DST: variants seen among roughly 807,000 people sequenced by gnomAD.
DST encodes the protein dystonin, also known as bullous pemphigoid antigen.
In DST, 253 loss-of-function variants were observed where a neutral mutation model predicts 875.2. The ratio of observed to expected loss-of-function variants is 0.29; its 90% CI spans 0.26 to 0.32. The LOEUF is 0.32. Ranked by LOEUF, DST falls within the 10% of genes least tolerant of loss-of-function variation. The pLI, the probability that DST is intolerant of heterozygous loss-of-function variation, is 1.00. For missense variants in DST, 8,287 were observed against 9,111.6 expected (o/e 0.91, Z 3.68); for synonymous variants, 3,124 against 3,197.1 (o/e 0.98, Z 0.77).
At chr6:56,468,889 G>T (rs2094727165) in intron 98 of DST, 93 bp downstream of exon 98, 2 of 1,011,652 alleles carry the variant, frequency 2.0e-6, no homozygotes, top group Non-Finnish European at 2.9e-6. Context: ...GAGACAGCAT[G>T]GGAAAGATTG....
At chr6:56,926,459 G>A (rs1165301276) in intron 2 of DST, among the ~76,000 whole-genome samples, 2 of 152,180 alleles carry the variant, frequency 1.3e-5, no homozygotes, top group Non-Finnish European at 2.9e-5. Context: ...GGAAATTGAG[G>A]AGGGGGTCAG....
intron 3 of DST, among the ~76,000 whole-genome samples, chr6:56,888,841 C>T (rs940229516): frequency 6.6e-6 from 1 of 152,116 alleles, no homozygotes; most frequent in Non-Finnish European, 1.5e-5. Flanking sequence ...CAGAAACCCA[C>T]AACAGAAGGA....
rs138995714 is a variant in DST at position 56,618,770 on chromosome 6, C to T, written c.4930-4286G>A. On this transcript the variant is annotated intron_variant, in intron 36 of 103. Coordinates refer to ENST00000680361, the MANE Select transcript of DST (RefSeq NM_001374736.1). ...CTCCATTAATTTTTCCATCTTCTTC[C>T]GAAACTCCTCTGCTGATTGTTTGAA... The T allele has an allele frequency of 2.1e-5, 34 of 1,614,100 alleles. No individual in the cohort carries two copies. In the East Asian group the frequency reaches 2.9e-4, roughly 14 times the overall value.
intron 49 of DST, among the ~76,000 whole-genome samples, chr6:56,583,892 C>T (rs529023099): frequency 2.6e-5 from 4 of 152,260 alleles, no homozygotes; most frequent in South Asian, 2.1e-4. Flanking sequence ...TATCAAAGAT[C>T]GGATAGTTGT....
At chr6:56,717,233 C>T (rs1199573227) in intron 5 of DST, among the ~76,000 whole-genome samples, 1 of 144,692 alleles carries the variant, frequency 6.9e-6, no homozygotes, top group Non-Finnish European at 1.6e-5. Flanking sequence ...AAGCATGCAA[C>T]CTACATCCCT....
chr6:56,846,887 C>T (rs947347394), intron 4 of DST, among the ~76,000 whole-genome samples: 1 of 151,250 alleles, frequency 6.6e-6, no homozygotes, highest in Non-Finnish European at 1.5e-5. Context: ...CCTTTAGTCC[C>T]AGCTACCTGG....
intron 3 of DST, among the ~76,000 whole-genome samples, chr6:56,890,694 T>C (rs1018939992): frequency 3.3e-5 from 5 of 152,242 alleles, no homozygotes; most frequent in Non-Finnish European, 7.3e-5. Flanking sequence ...CAGCTAAGGA[T>C]GCTAAAGTAT....
At chr6:56,628,276 G>A (rs1587092564) in intron 32 of DST, 115 bp from the exon 33 acceptor site, 7 of 905,720 alleles carry the variant, frequency 7.7e-6, no homozygotes, top group African/African-American at 3.3e-5. Flanking sequence ...AGCACAAGAC[G>A]GGTATGTATA....
In DST at chr6:56,492,918, T is replaced by C; in HGVS notation, c.20550+16A>G. 6.5e-7 allele frequency: 1 copy of C among 1,542,014 alleles called. No individual in the cohort carries two copies. Among genetic ancestry groups the C allele is most frequent in the Non-Finnish European group, 8.7e-7 (1 of 1,148,530 alleles). On this transcript the variant is annotated intron_variant, in intron 84 of 103. Transcript: ENST00000680361. ...TGTCTGAAAAGAGAATCCTATCTAT[T>C]TGACTCACTACATACCTTGTGTTCG... is the stretch of plus-strand genomic sequence containing the variant.
chr6:56,777,313 C>A (rs566220263), intron 4 of DST, among the ~76,000 whole-genome samples: 1 of 152,114 alleles, frequency 6.6e-6, no homozygotes, highest in Admixed American at 6.5e-5. Context: ...AAGAGAAATA[C>A]GAAGGCAAAA....
Position 56,552,179 on chromosome 6 carries a change from C to T in DST, c.16608+5G>A. The T allele has an allele frequency of 6.3e-7, 1 of 1,589,822 alleles. No individual in the cohort carries two copies. Among genetic ancestry groups the T allele is most frequent in the Non-Finnish European group, 8.6e-7 (1 of 1,169,190 alleles). ...AACACTGGGTAAAAATGAAGAGTTC[C>T]CTACCTTGAACATGTTAAGCTGCTG... On this transcript the variant is annotated splice_donor_5th_base_variant and intron_variant, in intron 61 of 103. Transcript: ENST00000680361.
At chr6:56,941,929 C>G (rs34812189) in intron 2 of DST, among the ~76,000 whole-genome samples, 20,403 of 152,210 alleles carry the variant, frequency 0.13, 1,785 homozygotes, top group Middle Eastern at 0.22. Context: ...TGATCACCAA[C>G]TATGATTACA....
chr6:56,609,434 A>T, intron 39 of DST, 90 bp from the exon 40 acceptor site: 2 of 901,512 alleles, frequency 2.2e-6, no homozygotes, highest in Non-Finnish European at 3.4e-6. Context: ...AAAATAAATA[A>T]TACATTTCAA....
intron 5 of DST, among the ~76,000 whole-genome samples, chr6:56,733,361 A>C (rs984143070): frequency 6.6e-6 from 1 of 152,222 alleles, no homozygotes; most frequent in Non-Finnish European, 1.5e-5. Context: ...AGATAAGGGA[A>C]GCAGATGGGC....
chr6:56,562,730 AC>A (rs1047757298), intron 55 of DST, among the ~76,000 whole-genome samples: 1 of 150,778 alleles, frequency 6.6e-6, no homozygotes, highest in Admixed American at 6.6e-5. Flanking sequence ...AATGCTATCC[AC>A]CCCCCAGGCC....
intron 50 of DST, among the ~76,000 whole-genome samples, chr6:56,574,150 T>C (rs2097826058): frequency 7.2e-6 from 1 of 138,482 alleles, no homozygotes; most frequent in South Asian, 2.3e-4. Context: ...AGAGATTTTT[T>C]TGGATGCATA....
At chr6:56,866,930 G>C (rs1346494061) in intron 3 of DST, among the ~76,000 whole-genome samples, 1 of 152,128 alleles carries the variant, frequency 6.6e-6, no homozygotes, top group Non-Finnish European at 1.5e-5. Flanking sequence ...ATAAATATTA[G>C]TTTTTTCTTA....
At chr6:56,949,945 A>G (rs1201000897) in intron 2 of DST, among the ~76,000 whole-genome samples, 1 of 152,220 alleles carries the variant, frequency 6.6e-6, no homozygotes, top group Non-Finnish European at 1.5e-5. Context: ...TAGGTGGACC[A>G]TTGTTTCATT....
In DST at chr6:56,658,938, G is replaced by A. The variant is rs148834745; in HGVS notation, c.1215-7694C>T. ...GCATGAGTGGGGAGCCAGCAGCCAGGGGAACATGGTAAGACATGGCTCTGG... is the reference window on the plus strand; with the variant it reads ...GCATGAGTGGGGAGCCAGCAGCCAGAGGAACATGGTAAGACATGGCTCTGG... On this transcript the variant is annotated intron_variant, in intron 10 of 103. Transcript: ENST00000680361. Among the ~76,000 whole-genome samples, 1,194 of 152,280 alleles carry A rather than the reference G, an allele frequency of 7.8e-3. 13 individuals are homozygous for A. The highest frequency in any genetic ancestry group is 0.028 in the African/African-American group (1,151 of 41,560).
Sources: gnomAD v4.1 joint callset for allele counts (sites outside exome capture counted in the v4.1 genomes callset) on GRCh38, gnomAD v4.1.1 for gene constraint, MANE v1.5 for transcripts, NCBI Gene and HGNC (gene_info 2026-07-23, HGNC 2026-07-21) for gene names.